Variants in ZCWPW2 observed in about 807,000 individuals in gnomAD.
The protein encoded by ZCWPW2 is zinc finger CW-type PWWP domain protein 2.
Under a neutral mutation model 46.6 loss-of-function variants are expected in ZCWPW2, and 45 were observed. That is an observed-to-expected ratio of 0.96 (90% CI 0.76 to 1.24). ZCWPW2 has a LOEUF of 1.24. Among genes scored for constraint, ZCWPW2 ranks in the 50% most tolerant of loss-of-function variants. ZCWPW2 has a pLI of 0.00. For synonymous variants in ZCWPW2, 152 were observed against 137.1 expected (o/e 1.11, Z -0.76); for missense variants, 429 against 403.9 (o/e 1.06, Z -0.53).
intron 3 of ZCWPW2, among the ~76,000 whole-genome samples, chr3:28,432,773 A>G (rs1014262139): frequency 3.3e-5 from 5 of 152,194 alleles, no homozygotes; most frequent in African/African-American, 1.2e-4. Flanking sequence ...GACTTAATAT[A>G]TATGTAAGAT....
At chr3:28,374,810 T>C (rs1048868023) in intron 1 of ZCWPW2, among the ~76,000 whole-genome samples, 1 of 152,180 alleles carries the variant, frequency 6.6e-6, no homozygotes, top group Non-Finnish European at 1.5e-5. Flanking sequence ...CTACTGATTT[T>C]TGTATGTTGA....
At chr3:28,356,609 G>T (rs1301420753) in intron 1 of ZCWPW2, among the ~76,000 whole-genome samples, 1 of 152,172 alleles carries the variant, frequency 6.6e-6, no homozygotes, top group African/African-American at 2.4e-5. Flanking sequence ...TAACCCAAAT[G>T]TCCATCAGTG....
chr3:28,447,311 C>T (rs557874579), intron 4 of ZCWPW2, among the ~76,000 whole-genome samples: 13 of 151,640 alleles, frequency 8.6e-5, no homozygotes, highest in Non-Finnish European at 1.5e-4. Context: ...TACACTATGG[C>T]CAAATAGGAT....
chr3:28,523,568 C>T (rs1700777759), intron 9 of ZCWPW2, among the ~76,000 whole-genome samples: 1 of 152,038 alleles, frequency 6.6e-6, no homozygotes, highest in Admixed American at 6.6e-5. Context: ...ATTCTCTGAG[C>T]AGATATTGTA....
chr3:28,349,522 T>A (rs1014545601), intron 1 of ZCWPW2, among the ~76,000 whole-genome samples: 5 of 152,194 alleles, frequency 3.3e-5, no homozygotes, highest in African/African-American at 1.2e-4. Flanking sequence ...TCTAGCACAC[T>A]GCTCAATTTA....
intron 4 of ZCWPW2, among the ~76,000 whole-genome samples, chr3:28,451,230 A>G (rs1438037894): frequency 6.6e-6 from 1 of 152,204 alleles, no homozygotes; most frequent in East Asian, 1.9e-4. Context: ...AAAGATAGGT[A>G]GATCTTTTAA....
intron 4 of ZCWPW2, among the ~76,000 whole-genome samples, chr3:28,435,679 G>A (rs1044988039): frequency 1.3e-5 from 2 of 151,682 alleles, no homozygotes; most frequent in African/African-American, 4.8e-5. Context: ...GTAGAGGCGG[G>A]GTTTCACCGT....
chr3:28,475,088 T>C (rs1159300959), intron 4 of ZCWPW2, among the ~76,000 whole-genome samples: 1 of 151,940 alleles, frequency 6.6e-6, no homozygotes, highest in Admixed American at 6.6e-5. Flanking sequence ...AGGCAACCTG[T>C]CCAACTCGGC....
At chr3:28,377,964 G>A (rs1331725438) in intron 1 of ZCWPW2, among the ~76,000 whole-genome samples, 1 of 152,020 alleles carries the variant, frequency 6.6e-6, no homozygotes, top group African/African-American at 2.4e-5. Flanking sequence ...CATTAAATAT[G>A]CCAGTATGCT....
At chr3:28,479,271 C>T (rs1437654683) in intron 5 of ZCWPW2, among the ~76,000 whole-genome samples, 2 of 151,880 alleles carry the variant, frequency 1.3e-5, no homozygotes, top group African/African-American at 4.8e-5. Flanking sequence ...TAAATATATT[C>T]CTGGCATTAA....
At chr3:28,455,150 T>G (rs1698378294) in intron 4 of ZCWPW2, among the ~76,000 whole-genome samples, 1 of 152,194 alleles carries the variant, frequency 6.6e-6, no homozygotes, top group Admixed American at 6.5e-5. Context: ...GCATCTGTTA[T>G]TTTTTGGCTT....
chr3:28,447,707 T>C (rs1221073345), intron 4 of ZCWPW2: 3 of 503,530 alleles, frequency 6.0e-6, no homozygotes, highest in Non-Finnish European at 1.1e-5. Context: ...CCACGAACGT[T>C]GTCTAGAGGC....
At chr3:28,375,979 T>G (rs1343685052) in intron 1 of ZCWPW2, among the ~76,000 whole-genome samples, 2 of 152,122 alleles carry the variant, frequency 1.3e-5, no homozygotes, top group East Asian at 3.8e-4. Context: ...TCTCATTCTT[T>G]TTTTTATGGC....
At chr3:28,433,784 C>CAA (rs202233109) in intron 3 of ZCWPW2, among the ~76,000 whole-genome samples, 8 of 131,978 alleles carry the variant, frequency 6.1e-5, no homozygotes, top group African/African-American at 1.9e-4. Flanking sequence ...AAACAAAAAA[C>CAA]AAAAAAAACT....
chr3:28,425,111 C>T (rs768617995), intron 3 of ZCWPW2, among the ~76,000 whole-genome samples: 14 of 152,076 alleles, frequency 9.2e-5, no homozygotes, highest in African/African-American at 2.9e-4. Context: ...TTGTGCTAGT[C>T]GCTGAGGCTT....
intron 3 of ZCWPW2, among the ~76,000 whole-genome samples, chr3:28,426,306 G>GA (rs1307299979): frequency 3.3e-5 from 5 of 150,982 alleles, no homozygotes; most frequent in South Asian, 2.1e-4. Flanking sequence ...ACTCTTTAGA[G>GA]AAAAAAAATG....
At chr3:28,486,894 G>A (rs541041662) in intron 5 of ZCWPW2, among the ~76,000 whole-genome samples, 1 of 151,972 alleles carries the variant, frequency 6.6e-6, no homozygotes, top group African/African-American at 2.4e-5. Flanking sequence ...TAATTTCAGA[G>A]TGTAGATTTC....
chr3:28,354,790 C>CA lies in ZCWPW2; in HGVS notation c.-134+5591dup, dbSNP rs1309437339. Among the ~76,000 whole-genome samples, 37 of 74,292 alleles carry CA rather than the reference C, an allele frequency of 5.0e-4. 1 individual carries two copies. The highest frequency in any genetic ancestry group is 1.7e-3 in the African/African-American group (34 of 19,468). 48.7% of individuals were successfully genotyped at this position (74,292 alleles called of 152,430 possible). On this transcript the variant is annotated intron_variant, in intron 1 of 9. Coordinates refer to ENST00000383768, the MANE Select transcript of ZCWPW2 (RefSeq NM_001040432.4). Reference sequence around the variant, plus strand: ...TCAATAGATGCAGAAAGGCCTTTGACAAAATTCAACAACCCTTCATGCTAA... The same window carrying CA: ...TCAATAGATGCAGAAAGGCCTTTGACAAAAATTCAACAACCCTTCATGCTAA...
chr3:28,367,961 T>A (rs1705183445), intron 1 of ZCWPW2, among the ~76,000 whole-genome samples: 1 of 152,196 alleles, frequency 6.6e-6, no homozygotes, highest in Non-Finnish European at 1.5e-5. Flanking sequence ...GAGACTAGGC[T>A]TGCAACCCCT....
Sources: gnomAD v4.1 joint callset for allele counts (sites outside exome capture counted in the v4.1 genomes callset) on GRCh38, gnomAD v4.1.1 for gene constraint, MANE v1.5 for transcripts, NCBI Gene and HGNC (gene_info 2026-07-23, HGNC 2026-07-21) for gene names.